Variants in SLC45A1 observed in about 807,000 individuals in gnomAD.
SLC45A1 encodes the protein proton-associated sugar transporter A.
A neutral mutation model predicts 57.6 loss-of-function variants in SLC45A1; 28 were observed. The observed-to-expected ratio is 0.49, with a 90% CI of 0.36 to 0.67. The LOEUF (loss-of-function observed/expected upper bound fraction) is 0.67, where lower values mean the gene tolerates loss of function less well. SLC45A1 is among the 30% of genes least tolerant of loss of function. The probability of loss-of-function intolerance (pLI) is 0.00; values close to 1 mark genes in which losing one functional copy is unlikely to be tolerated. For synonymous variants in SLC45A1, 459 were observed against 471.5 expected, an observed-to-expected ratio of 0.97 and a Z score of 0.34; for missense variants, 814 against 1,041.5, an observed-to-expected ratio of 0.78 and a Z score of 3.01.
At position 8,339,613 on chromosome 1, in the gene SLC45A1, C is replaced by T. The variant is rs770086226; in HGVS notation, c.1895C>T (p.Ser632Leu). The change falls in exon 8 of 9, where the codon TCG becomes TTG. Residue 632 changes from serine (S) to leucine (L), a missense_variant. Physicochemically the swap from Ser to Leu is moderately radical, Grantham distance 145 (BLOSUM62 -2). Transcript: ENST00000471889. Reference protein sequence around the residue: ...TLSRNLYVVLSLCITYGILFS... With the variant: ...TLSRNLYVVLLLCITYGILFS... ...TCCAGGAACCTCTACGTGGTCCTGT[C>T]GCTCTGCATAACCTACGGGATTTTA... 51 of 1,614,110 alleles carry T rather than the reference C, an allele frequency of 3.2e-5. No homozygotes were observed. The highest frequency in any genetic ancestry group is 3.0e-4 in the Admixed American group (18 of 60,016).
At position 8,330,202 on chromosome 1, in the gene SLC45A1, T is replaced by A; in HGVS notation, c.716-7T>A. The A allele has an allele frequency of 6.2e-7, 1 of 1,610,120 alleles. No individual in the cohort carries two copies. The highest frequency in any genetic ancestry group is 8.5e-7 in the Non-Finnish European group (1 of 1,177,874). On this transcript the variant is annotated splice_polypyrimidine_tract_variant and splice_region_variant and intron_variant, in intron 4 of 8. Transcript: ENST00000471889. The surrounding 1 kb of genome is among the most constrained non-coding windows in gnomAD (Gnocchi z 8.4). Reference sequence around the variant, plus strand: ...GAAGGGAACTCAAACCCTGTCTCTTTCCCCAGGTCTCGGAGGAGGCTTTGG... The same window carrying A: ...GAAGGGAACTCAAACCCTGTCTCTTACCCCAGGTCTCGGAGGAGGCTTTGG...
At chr1:8,322,255 G>C (rs1640048196) in intron 1 of SLC45A1, among the ~76,000 whole-genome samples, 1 of 3,048 alleles carries the variant, frequency 3.3e-4, no homozygotes, top group Non-Finnish European at 5.0e-4. Flanking sequence ...GGATGGATGA[G>C]ATGGATGGAT....
Position 8,335,257 on chromosome 1 carries a change from GC to G in SLC45A1, c.1444-177del, listed in dbSNP as rs936280761. Among the ~76,000 whole-genome samples the G allele has an allele frequency of 6.6e-6, 1 of 152,188 alleles. No homozygotes were observed. Among genetic ancestry groups the G allele is most frequent in the African/African-American group, 2.4e-5 (1 of 41,444 alleles). On this transcript the variant is annotated intron_variant, in intron 5 of 8. Coordinates refer to ENST00000471889, the MANE Select transcript of SLC45A1 (RefSeq NM_001080397.3). This position sits in a 1 kb window ranked among gnomAD's most constrained non-coding sequence, Gnocchi z 4.1. The stretch of plus-strand genomic sequence containing the variant: ...GCTGCTCCGGGGCCTCGGAAACAAT[GC>G]CCTGAATTTGTTCCTCTGAGGTTGG...
chr1:8,330,311 CT>C lies in SLC45A1; in HGVS notation c.819del (p.Ala274ArgfsTer4). On this transcript the variant is annotated frameshift_variant, in exon 5 of 9. Coordinates refer to ENST00000471889, the MANE Select transcript of SLC45A1 (RefSeq NM_001080397.3). LOFTEE classifies it high-confidence loss of function. This position sits in a 1 kb window ranked among gnomAD's most constrained non-coding sequence, Gnocchi z 8.4. ...GGQLRVIYLF[T>X]AVTLSVTTVL... is the part of the protein sequence containing the mutation. ...CAGCTCCGAGTCATTTACCTCTTCA[CT>C]GCGGTCACCCTGAGCGTCACCACCG... 1 of 1,613,792 alleles carries C rather than the reference CT, an allele frequency of 6.2e-7. No individual in the cohort carries two copies. Among genetic ancestry groups the C allele is most frequent in the Non-Finnish European group, 8.5e-7 (1 of 1,180,002 alleles).
chr1:8,333,624 G>A (rs548786405), intron 5 of SLC45A1, among the ~76,000 whole-genome samples: 74 of 150,770 alleles, frequency 4.9e-4, no homozygotes, highest in East Asian at 4.7e-3. Flanking sequence ...TTGTAGAAAC[G>A]GGGCCTCACT....
chr1:8,322,259 G>C (rs144845133), intron 1 of SLC45A1, among the ~76,000 whole-genome samples: 2,174 of 2,306 alleles, frequency 0.94, 1,064 homozygotes, highest in Middle Eastern at 1. Flanking sequence ...GGATGAGATG[G>C]ATGGATGGAT....
Position 8,344,157 on chromosome 1 carries a change from G to A in SLC45A1, c.*144G>A, listed in dbSNP as rs1301294069. 1.5e-5 allele frequency: 12 copies of A among 788,370 alleles called. No homozygotes were observed. The highest frequency in any genetic ancestry group is 8.7e-5 in the African/African-American group (5 of 57,476). The allele number at this position is 788,370 out of a possible 1,614,324, so 48.8% of individuals were successfully genotyped here. ...ATGTGATAAAATAATAAATGACAGC[G>A]GCAAAGCCTATGGTTTCTAGGCATT... On this transcript the variant is annotated 3_prime_UTR_variant, in exon 9 of 9. Transcript: ENST00000471889.
Position 8,343,716 on chromosome 1 carries a change from T to A in SLC45A1, c.1981-31T>A. 6.3e-7 allele frequency: 1 copy of A among 1,590,268 alleles called. No individual in the cohort carries two copies. The highest frequency in any genetic ancestry group is 8.6e-7 in the Non-Finnish European group (1 of 1,163,318). On this transcript the variant is annotated intron_variant, in intron 8 of 8. Transcript: ENST00000471889. This position sits in a 1 kb window ranked among gnomAD's most constrained non-coding sequence, Gnocchi z 7.7. Reference sequence around the variant, plus strand: ...GTCACCCCGTGCTGGCCGCGGCGTGTCTCGCTGACACGTTTCTTCCTCTGG... The same window carrying A: ...GTCACCCCGTGCTGGCCGCGGCGTGACTCGCTGACACGTTTCTTCCTCTGG...
intron 4 of SLC45A1, among the ~76,000 whole-genome samples, chr1:8,329,011 C>T (rs1249783779): frequency 6.6e-6 from 1 of 152,022 alleles, no homozygotes; most frequent in Non-Finnish European, 1.5e-5. Context: ...GGCAAAAAGA[C>T]TCCCAAGTCT....
chr1:8,324,355 C>A lies in SLC45A1; in HGVS notation c.26C>A (p.Pro9Gln). 1 of 1,612,762 alleles carries A rather than the reference C, an allele frequency of 6.2e-7. No individual in the cohort carries two copies. Among genetic ancestry groups the A allele is most frequent in the Non-Finnish European group, 8.5e-7 (1 of 1,179,940 alleles). Residue 9 changes from proline (P) to glutamine (Q), a missense_variant, in exon 2 of 9, where the codon CCG becomes CAG. Physicochemically the swap from Pro to Gln is moderately conservative, Grantham distance 76 (BLOSUM62 -1). Transcript: ENST00000471889. ...ATGATCCCCGCAGCCAGCAGCACCC[C>A]GCCGGGAGATGCCCTCTTCCCCAGC... is the stretch of plus-strand genomic sequence containing the variant. MIPAASST[P>Q]PGDALFPSVA... is the part of the protein sequence containing the mutation.
rs965127023 is a variant in SLC45A1, at chr1:8,328,171, T to C, written c.716-2038T>C. On this transcript the variant is annotated intron_variant, in intron 4 of 8. Transcript: ENST00000471889. The surrounding 1 kb of genome is among the most constrained non-coding windows in gnomAD (Gnocchi z 4.6). ...CCCAACCCTCACTGCTGCACTTGAC[T>C]AGTCTTGAAAAAGAAACAGATATTG... 2.6e-5 allele frequency: 4 copies of C among 152,178 alleles called. No homozygotes were observed. The highest frequency in any genetic ancestry group is 4.4e-5 in the Non-Finnish European group (3 of 68,032). 9.4% of individuals were successfully genotyped at this position (152,178 alleles called of 1,614,324 possible).
Position 8,330,697 on chromosome 1 carries a change from G to A in SLC45A1, c.1204G>A (p.Val402Ile), listed in dbSNP as rs145948582. The A allele has an allele frequency of 9.2e-5, 149 of 1,613,222 alleles. No homozygotes were observed. The highest frequency in any genetic ancestry group is 1.1e-4 in the Non-Finnish European group (131 of 1,180,002). ...PGSVPRPPIS[V>I]SFPRAPDGFY... ...CAGCGTCCCCAGGCCGCCCATCAGCGTCAGCTTCCCCCGGGCCCCCGACGG... is the reference window on the plus strand; with the variant it reads ...CAGCGTCCCCAGGCCGCCCATCAGCATCAGCTTCCCCCGGGCCCCCGACGG... Residue 402 changes from valine (V) to isoleucine (I), a missense_variant, in exon 5 of 9, where the codon GTC becomes ATC. Val to Ile is a conservative substitution (Grantham distance 29, BLOSUM62 3). Coordinates refer to ENST00000471889, the MANE Select transcript of SLC45A1 (RefSeq NM_001080397.3). The surrounding 1 kb of genome is among the most constrained non-coding windows in gnomAD (Gnocchi z 8.4).
At chr1:8,318,485 T>G (rs1639892619) in intron 1 of SLC45A1, among the ~76,000 whole-genome samples, 1 of 152,214 alleles carries the variant, frequency 6.6e-6, no homozygotes, top group South Asian at 2.1e-4. Context: ...ATGCGCTCCT[T>G]GAGCCGGAGG....
intron 5 of SLC45A1, among the ~76,000 whole-genome samples, chr1:8,333,868 C>A (rs1027978378): frequency 3.3e-5 from 5 of 152,238 alleles, no homozygotes; most frequent in African/African-American, 1.2e-4. Context: ...GCAGGCCTCA[C>A]AGGGACATCT....
At chr1:8,320,740 A>T (rs1444614152) in intron 1 of SLC45A1, among the ~76,000 whole-genome samples, 1 of 144,704 alleles carries the variant, frequency 6.9e-6, no homozygotes, top group Non-Finnish European at 1.5e-5. Flanking sequence ...CACACCTGCC[A>T]TATGCTGTTT....
At position 8,330,915 on chromosome 1, in the gene SLC45A1, G is replaced by A. The variant is rs780271461; in HGVS notation, c.1422G>A (p.Arg474=). 6.3e-7 allele frequency: 1 copy of A among 1,594,894 alleles called. No homozygotes were observed. Among genetic ancestry groups the A allele is most frequent in the South Asian group, 1.1e-5 (1 of 90,294 alleles). ...GGGGPETSRR[R]NVTFSQQVAN... ...GGGGTCCCGAAACCAGCAGGAGAAG[G>A]AATGTGACCTTCAGTCAGCAGGTAA... The change falls in exon 5 of 9, where the codon AGG becomes AGA. Residue 474 remains arginine (R), a synonymous_variant. Coordinates refer to ENST00000471889, the MANE Select transcript of SLC45A1 (RefSeq NM_001080397.3). This position sits in a 1 kb window ranked among gnomAD's most constrained non-coding sequence, Gnocchi z 8.4.
rs1402743027 is a variant in SLC45A1 at position 8,324,627 on chromosome 1, A to C, written c.298A>C (p.Ser100Arg). 1 of 1,610,710 alleles carries C rather than the reference A, an allele frequency of 6.2e-7. No individual in the cohort carries two copies. The change falls in exon 2 of 9, where the codon AGC becomes CGC. Residue 100 changes from serine (S) to arginine (R), a missense_variant. Transcript: ENST00000471889. ...CTGCATTCTCTTTGGCATCGAGTTC[A>C]GCTACGCCATGGAGACGGCGTACGT... The part of the protein sequence containing the change: ...NGCILFGIEF[S>R]YAMETAYVTP...
In SLC45A1 at chr1:8,343,483, G is replaced by A. The variant is rs373911223; in HGVS notation, c.1981-264G>A. On this transcript the variant is annotated intron_variant, in intron 8 of 8. Coordinates refer to ENST00000471889, the MANE Select transcript of SLC45A1 (RefSeq NM_001080397.3). This position sits in a 1 kb window ranked among gnomAD's most constrained non-coding sequence, Gnocchi z 7.7. ...ATGGGGAAGAGCTCAAGTGCTGAGCGGGGAAAGTGTCTCCCGCCACCTCGG... is the reference window on the plus strand; with the variant it reads ...ATGGGGAAGAGCTCAAGTGCTGAGCAGGGAAAGTGTCTCCCGCCACCTCGG... Among the ~76,000 whole-genome samples the A allele has an allele frequency of 1.1e-4, 16 of 152,284 alleles. No homozygotes were observed. The East Asian group carries it at 1.2e-3, about 11-fold the overall frequency.
In SLC45A1 at chr1:8,339,478, C is replaced by T; in HGVS notation, c.1775-15C>T. 6.2e-7 allele frequency: 1 copy of T among 1,613,972 alleles called. No homozygotes were observed. Among genetic ancestry groups the T allele is most frequent in the Non-Finnish European group, 8.5e-7 (1 of 1,179,864 alleles). On this transcript the variant is annotated splice_polypyrimidine_tract_variant and intron_variant, in intron 7 of 8. Coordinates refer to ENST00000471889, the MANE Select transcript of SLC45A1 (RefSeq NM_001080397.3). ...CTGGCCGTGTGGCACTGCTCACCCT[C>T]TCTGTGGCCCGCAGCTATCCTGGAG...
Sources: allele counts gnomAD v4.1 joint callset (sites outside exome capture counted in the v4.1 genomes callset), GRCh38; gene constraint gnomAD v4.1.1; non-coding constraint Gnocchi (gnomAD v3.1); transcripts MANE v1.5; gene names NCBI Gene and HGNC (gene_info 2026-07-23, HGNC 2026-07-21).